Variants in SMOC1 observed in about 807,000 individuals in gnomAD.
SMOC1 encodes SPARC related modular calcium binding 1.
Under a neutral mutation model 56.3 loss-of-function variants are expected in SMOC1, and 22 were observed. The observed-to-expected ratio is 0.39, with a 90% CI of 0.28 to 0.56. The LOEUF (loss-of-function observed/expected upper bound fraction) is 0.56. SMOC1 is among the 20% of genes least tolerant of loss of function. The pLI, the probability that SMOC1 is intolerant of heterozygous loss-of-function variation, is 0.61. For missense variants in SMOC1, 509 were observed against 565.4 expected (o/e 0.90, Z 1.01); for synonymous variants, 193 against 215.0 (o/e 0.90, Z 0.89).
At chr14:69,999,982 A>G (rs1032112165) in intron 7 of SMOC1, among the ~76,000 whole-genome samples, 2 of 152,090 alleles carry the variant, frequency 1.3e-5, no homozygotes, top group African/African-American at 4.8e-5. Flanking sequence ...TTTTAATGTT[A>G]GATAGCAAAA....
At chr14:69,963,544 C>T (rs571731242) in intron 3 of SMOC1, among the ~76,000 whole-genome samples, 106 of 152,172 alleles carry the variant, frequency 7.0e-4, no homozygotes, top group African/African-American at 1.9e-3. Flanking sequence ...CGGAGTAGAG[C>T]GGTGTGCTTG....
At chr14:69,933,559 C>T (rs1196066432) in intron 1 of SMOC1, among the ~76,000 whole-genome samples, 1 of 152,092 alleles carries the variant, frequency 6.6e-6, no homozygotes, top group Non-Finnish European at 1.5e-5. Context: ...AGACAGATTC[C>T]TTCTCTGTTG....
At chr14:69,942,116 A>T (rs1882588049) in intron 1 of SMOC1, among the ~76,000 whole-genome samples, 1 of 151,898 alleles carries the variant, frequency 6.6e-6, no homozygotes, top group Non-Finnish European at 1.5e-5. Flanking sequence ...CCATTTTCCC[A>T]TATCCTATCT....
intron 3 of SMOC1, among the ~76,000 whole-genome samples, chr14:69,956,604 G>T (rs533331040): frequency 6.6e-6 from 1 of 152,060 alleles, no homozygotes; most frequent in African/African-American, 2.4e-5. Flanking sequence ...TTTATGGGGG[G>T]AGTGATGGCA....
chr14:69,949,701 G>C (rs913496096), intron 1 of SMOC1, among the ~76,000 whole-genome samples: 7 of 152,192 alleles, frequency 4.6e-5, no homozygotes, highest in Admixed American at 4.6e-4. Context: ...AGCAGAGGTA[G>C]CTCATTTGAT....
intron 5 of SMOC1, among the ~76,000 whole-genome samples, chr14:69,984,753 G>C (rs985021998): frequency 3.9e-5 from 6 of 151,934 alleles, no homozygotes; most frequent in Non-Finnish European, 7.4e-5. Context: ...TACTCAGGAG[G>C]CCGCGAGGCA....
Position 69,879,876 on chromosome 14 carries a change from A to T in SMOC1, c.99+99A>T, listed in dbSNP as rs1883587613. ...GGAGGAGGGGGAAGAGAGATGTCAG[A>T]GACCTGTTGTCCTCTGTCTACTACC... is the stretch of plus-strand genomic sequence containing the variant. On this transcript the variant is annotated intron_variant, in intron 1 of 11. Transcript: ENST00000361956. 2.7e-6 allele frequency: 3 copies of T among 1,118,092 alleles called. No homozygotes were observed. In the East Asian group the frequency reaches 9.0e-5, roughly 34 times the overall value. 69.3% of individuals were successfully genotyped at this position (1,118,092 alleles called of 1,614,324 possible). A position where few individuals can be genotyped will look rare whatever the true frequency, so the allele number is the denominator to read the frequency against.
chr14:69,883,851 G>A (rs1180603279), intron 1 of SMOC1, among the ~76,000 whole-genome samples: 1 of 141,168 alleles, frequency 7.1e-6, no homozygotes, highest in African/African-American at 2.7e-5. Flanking sequence ...TCTCATTGTG[G>A]TTTGAATGCA....
At chr14:69,944,632 G>A (rs1249442264) in intron 1 of SMOC1, among the ~76,000 whole-genome samples, 1 of 152,058 alleles carries the variant, frequency 6.6e-6, no homozygotes, top group Non-Finnish European at 1.5e-5. Flanking sequence ...GCGTATGGTA[G>A]CTGCCCGAAA....
intron 1 of SMOC1, among the ~76,000 whole-genome samples, chr14:69,880,580 CCCA>C (rs1566658684): frequency 8.9e-4 from 135 of 152,292 alleles, no homozygotes; most frequent in African/African-American, 3.1e-3. Flanking sequence ...CGCAACACCC[CCCA>C]CCAATTGGTC....
At chr14:69,969,443 C>T in intron 3 of SMOC1, among the ~76,000 whole-genome samples, 1 of 150,526 alleles carries the variant, frequency 6.6e-6, no homozygotes. Flanking sequence ...ATGGCCAGAG[C>T]AGGAGCAGGA....
chr14:70,021,151 C>A (rs1295649653), intron 10 of SMOC1, among the ~76,000 whole-genome samples: 1 of 152,184 alleles, frequency 6.6e-6, no homozygotes. Flanking sequence ...GCAGGAAGGT[C>A]CCTGACTGCC....
intron 3 of SMOC1, among the ~76,000 whole-genome samples, chr14:69,960,756 C>G (rs1328765784): frequency 6.6e-6 from 1 of 152,118 alleles, no homozygotes; most frequent in Non-Finnish European, 1.5e-5. Flanking sequence ...CTATTTAGCA[C>G]ATAATTGTTG....
chr14:70,015,504 T>G (rs1454773055), intron 10 of SMOC1, among the ~76,000 whole-genome samples: 1 of 151,728 alleles, frequency 6.6e-6, no homozygotes, highest in African/African-American at 2.4e-5. Context: ...GTGAGTGCAG[T>G]GGTTGCCCGT....
chr14:69,955,723 C>T (rs998161222), intron 3 of SMOC1, among the ~76,000 whole-genome samples: 11 of 152,006 alleles, frequency 7.2e-5, no homozygotes, highest in African/African-American at 2.2e-4. Flanking sequence ...GTTGAAAATC[C>T]CCAAGTTGGA....
chr14:69,899,353 T>C (rs1316969761), intron 1 of SMOC1, among the ~76,000 whole-genome samples: 2 of 152,176 alleles, frequency 1.3e-5, no homozygotes, highest in African/African-American at 4.8e-5. Flanking sequence ...ATGAATGATT[T>C]AGCATCATCC....
At chr14:69,910,719 G>C (rs948224615) in intron 1 of SMOC1, among the ~76,000 whole-genome samples, 10 of 152,218 alleles carry the variant, frequency 6.6e-5, no homozygotes, top group African/African-American at 2.4e-4. Flanking sequence ...TGTATGCCGA[G>C]GAGGTGTCAA....
intron 1 of SMOC1, among the ~76,000 whole-genome samples, chr14:69,894,744 G>A (rs61980571): frequency 0.05 from 7,593 of 152,232 alleles, 225 homozygotes; most frequent in Non-Finnish European, 0.066. Flanking sequence ...TCTATTAAGG[G>A]GATTAAATGA....
At chr14:69,978,425 G>C (rs1884051725) in intron 5 of SMOC1, among the ~76,000 whole-genome samples, 1 of 152,156 alleles carries the variant, frequency 6.6e-6, no homozygotes, top group African/African-American at 2.4e-5. Context: ...TCTTCACTAA[G>C]GCGAGGCTGG....
Sources: allele counts gnomAD v4.1 joint callset (sites outside exome capture counted in the v4.1 genomes callset), GRCh38; gene constraint gnomAD v4.1.1; transcripts MANE v1.5; gene names NCBI Gene and HGNC (gene_info 2026-07-23, HGNC 2026-07-21).